The following PPARGC1B variants were observed in gnomAD, a reference collection of about 807,000 sequenced individuals.
PPARGC1B encodes PPARG coactivator 1 beta.
In PPARGC1B, 34 loss-of-function variants were observed where a neutral mutation model predicts 101.6. That is an observed-to-expected ratio of 0.33 (90% CI 0.25 to 0.45). The LOEUF is 0.45. Ranked by LOEUF, PPARGC1B falls within the 20% of genes least tolerant of loss-of-function variation. PPARGC1B has a pLI of 1.00. For missense variants in PPARGC1B, 1,234 were observed against 1,317.6 expected (o/e 0.94, Z 0.98); for synonymous variants, 548 against 539.3 (o/e 1.02, Z -0.22).
chr5:149,770,870 C>G (rs1756104216), intron 1 of PPARGC1B, among the ~76,000 whole-genome samples: 1 of 151,394 alleles, frequency 6.6e-6, no homozygotes, highest in Non-Finnish European at 1.5e-5. Context: ...TATATTGAAA[C>G]ACAAGGGTTG....
rs573287946 is a variant in PPARGC1B, at chr5:149,840,274, T to C, written c.2694+158T>C. On this transcript the variant is annotated intron_variant, in intron 9 of 11. Transcript: ENST00000309241. ...GGACTATGGCAACAGCAGACAATGA[T>C]ATTTCTCTCATTTGAAGAGCACGAG... Among the ~76,000 whole-genome samples the C allele has an allele frequency of 2.6e-5, 4 of 152,298 alleles. No individual in the cohort carries two copies. In the East Asian group the frequency reaches 7.7e-4, roughly 29 times the overall value.
intron 1 of PPARGC1B, among the ~76,000 whole-genome samples, chr5:149,751,869 A>C (rs910172947): frequency 1.3e-5 from 2 of 152,090 alleles, no homozygotes; most frequent in African/African-American, 4.8e-5. Context: ...TTATGGGCGG[A>C]TTCCTACCTG....
At chr5:149,810,099 C>A (rs1026243801) in intron 1 of PPARGC1B, among the ~76,000 whole-genome samples, 2 of 152,154 alleles carry the variant, frequency 1.3e-5, no homozygotes, top group African/African-American at 4.8e-5. Context: ...TGAGCCAGGG[C>A]CAGCCCTGCC....
At chr5:149,831,716 A>C (rs757267408) in intron 4 of PPARGC1B, among the ~76,000 whole-genome samples, 1 of 152,184 alleles carries the variant, frequency 6.6e-6, no homozygotes, top group Non-Finnish European at 1.5e-5. Flanking sequence ...TCTGACAGCC[A>C]TTGCTAGAAA....
downstream of PPARGC1B, among the ~76,000 whole-genome samples, chr5:149,855,978 G>A (rs962677730): frequency 1.7e-4 from 26 of 152,194 alleles, no homozygotes; most frequent in South Asian, 1.9e-3. Context: ...TTAGCCCGGC[G>A]TGGTGAGGGG....
Position 149,820,433 on chromosome 5 carries a change from G to A in PPARGC1B, c.79G>A (p.Gly27Ser). Residue 27 changes from glycine (G) to serine (S), a missense_variant and splice_region_variant, in exon 2 of 12, where the codon GGT becomes AGT. By Grantham distance (56) the Gly-to-Ser change is moderately conservative. Coordinates refer to ENST00000309241, the MANE Select transcript of PPARGC1B (RefSeq NM_133263.4). The stretch of plus-strand genomic sequence containing the variant: ...ACCTCTTTCCTTCCTGTCTCCTCAG[G>A]GTGGAGGGTCCGGGGAGGAGCAACT... ...FFLNYLADTQ[G>S]GGSGEEQLYA... 1.2e-6 allele frequency: 2 copies of A among 1,613,574 alleles called. No homozygotes were observed. Among genetic ancestry groups the A allele is most frequent in the Non-Finnish European group, 8.5e-7 (1 of 1,179,806 alleles).
chr5:149,755,597 GTTATTA>G (rs1162188329), intron 1 of PPARGC1B, among the ~76,000 whole-genome samples: 2 of 122,538 alleles, frequency 1.6e-5, no homozygotes, highest in Non-Finnish European at 3.5e-5. Context: ...TGTTGTTGTT[GTTATTA>G]TTATTATTAT....
intron 4 of PPARGC1B, among the ~76,000 whole-genome samples, chr5:149,831,238 A>AT (rs997368907): frequency 2.6e-5 from 4 of 151,842 alleles, no homozygotes; most frequent in Non-Finnish European, 5.9e-5. Flanking sequence ...AATAGTTTGG[A>AT]TTTTTTTTCC....
rs1309566633 is a variant in PPARGC1B at position 149,792,555 on chromosome 5, T to C, written c.79-27878T>C. Among the ~76,000 whole-genome samples the C allele has an allele frequency of 2.0e-5, 3 of 152,202 alleles. No homozygotes were observed. In the East Asian group the frequency reaches 5.8e-4, roughly 29 times the overall value. On this transcript the variant is annotated intron_variant, in intron 1 of 11. Transcript: ENST00000309241. The stretch of plus-strand genomic sequence containing the variant: ...TTTAGAGATGTCGGCACTAGGACGC[T>C]GGGATTCTAATTCTGGCCGGCGGCA...
At chr5:149,809,687 TAAAAA>T (rs35168335) in intron 1 of PPARGC1B, among the ~76,000 whole-genome samples, 3,424 of 109,200 alleles carry the variant, frequency 0.031, 82 homozygotes, top group African/African-American at 0.068. Flanking sequence ...GATCCTTTCT[TAAAAA>T]AAAAAAAAAA....
intron 1 of PPARGC1B, chr5:149,772,015 A>G: frequency 1.4e-6 from 2 of 1,475,652 alleles, no homozygotes; most frequent in Non-Finnish European, 1.8e-6. Context: ...AAGCAGGCTC[A>G]GAGAAGTGAA....
intron 1 of PPARGC1B, among the ~76,000 whole-genome samples, chr5:149,734,313 C>T (rs2113061432): frequency 1.0e-5 from 1 of 98,712 alleles, no homozygotes; most frequent in South Asian, 3.9e-4. Flanking sequence ...AAGAGCGAAA[C>T]TCATTCTCAA....
chr5:149,731,112 G>A (rs1754446471), intron 1 of PPARGC1B, among the ~76,000 whole-genome samples: 1 of 152,196 alleles, frequency 6.6e-6, no homozygotes, highest in African/African-American at 2.4e-5. Context: ...CCTGCGGTGC[G>A]CGGCCCCGGT....
At chr5:149,784,439 C>T (rs1756710816) in intron 1 of PPARGC1B, among the ~76,000 whole-genome samples, 2 of 152,022 alleles carry the variant, frequency 1.3e-5, no homozygotes, top group Non-Finnish European at 2.9e-5. Flanking sequence ...CCAGTGGCCC[C>T]CTGGTCTTGG....
chr5:149,817,492 G>A, intron 1 of PPARGC1B: 1 of 342,772 alleles, frequency 2.9e-6, no homozygotes, highest in Non-Finnish European at 5.7e-6. Flanking sequence ...TAAACACAAA[G>A]AGCGTGAAAA....
At chr5:149,763,540 T>G (rs1446587777) in intron 1 of PPARGC1B, among the ~76,000 whole-genome samples, 9 of 142,514 alleles carry the variant, frequency 6.3e-5, no homozygotes, top group East Asian at 2.1e-4. Flanking sequence ...TTTTTTTTTT[T>G]TTTTTTTTTT....
intron 1 of PPARGC1B, among the ~76,000 whole-genome samples, chr5:149,735,676 CT>C: frequency 6.6e-6 from 1 of 152,232 alleles, no homozygotes; most frequent in South Asian, 2.1e-4. Flanking sequence ...TTGTGGAAGA[CT>C]AATTACCTTT....
At chr5:149,783,562 AAGG>A (rs1281093376) in intron 1 of PPARGC1B, among the ~76,000 whole-genome samples, 2 of 152,190 alleles carry the variant, frequency 1.3e-5, no homozygotes, top group Non-Finnish European at 2.9e-5. Context: ...ATTATAATCC[AAGG>A]AGAAGGAATG....
At chr5:149,758,010 C>T (rs189282755) in intron 1 of PPARGC1B, among the ~76,000 whole-genome samples, 50 of 152,368 alleles carry the variant, frequency 3.3e-4, no homozygotes, top group African/African-American at 1.1e-3. Context: ...CTAGTAACAG[C>T]GTGAGTAATG....
Sources: allele counts gnomAD v4.1 joint callset (sites outside exome capture counted in the v4.1 genomes callset), GRCh38; gene constraint gnomAD v4.1.1; transcripts MANE v1.5; gene names NCBI Gene and HGNC (gene_info 2026-07-23, HGNC 2026-07-21).